The following LTA variants were observed in gnomAD, a reference collection of about 807,000 sequenced individuals.
LTA encodes lymphotoxin alpha, also known as lymphotoxin-alpha.
In LTA, 6 loss-of-function variants were observed where a neutral mutation model predicts 15.1. That is an observed-to-expected ratio of 0.40 (90% confidence interval 0.22 to 0.78). The LOEUF is 0.78. Ranked by LOEUF, LTA falls within the 30% of genes least tolerant of loss-of-function variation. LTA has a pLI of 0.38. For missense variants in LTA, 173 were observed against 249.5 expected (o/e 0.69, Z 2.06); for synonymous variants, 87 against 107.3 (o/e 0.81, Z 1.17).
chr6:31,567,631 CCT>C (rs930997698), upstream of LTA, among the ~76,000 whole-genome samples: 21 of 145,234 alleles, frequency 1.4e-4, no homozygotes, highest in African/African-American at 3.9e-4. Context: ...TCTCCCTCCC[CCT>C]CTCTCCCCTG....
At chr6:31,566,360 A>G in the LTA span, among the ~76,000 whole-genome samples, 1 of 151,960 alleles carries the variant, frequency 6.6e-6, no homozygotes, top group Non-Finnish European at 1.5e-5. Context: ...AAAAAAAACC[A>G]GGCCGGGTGC....
the LTA span, among the ~76,000 whole-genome samples, chr6:31,563,158 A>G: frequency 6.6e-6 from 1 of 152,170 alleles, no homozygotes; most frequent in Admixed American, 6.5e-5. Context: ...AGCCTATCCC[A>G]AAAACAAACA....
At chr6:31,567,676 ACG>A (rs752426330), upstream of LTA, among the ~76,000 whole-genome samples, 1,699 of 27,306 alleles carry the variant, frequency 0.062, 26 homozygotes, top group South Asian at 0.18. Context: ...ACACACACAC[ACG>A]CACGCATGCA....
Position 31,572,938 on chromosome 6 carries a change from G to A in LTA, c.110G>A (p.Gly37Asp), listed in dbSNP as rs1457080560. Residue 37 changes from glycine (G) to aspartate (D), a missense_variant, in exon 3 of 4, where the codon GGT (glycine) becomes GAT (aspartate). Physicochemically the swap from Gly to Asp is moderately conservative, Grantham distance 94 (BLOSUM62 -1). Coordinates refer to ENST00000418386, the MANE Select transcript of LTA (RefSeq NM_000595.4). Reference sequence around the variant, plus strand: ...TCTGTTCTCCCCTAGGGGCTCCCTGGTGTTGGCCTCACACCTTCAGCTGCC... The same window carrying A: ...TCTGTTCTCCCCTAGGGGCTCCCTGATGTTGGCCTCACACCTTCAGCTGCC... ...VLLPGAQGLP[G>D]VGLTPSAAQT... 6.2e-7 allele frequency: 1 copy of A among 1,612,492 alleles called. No individual in the cohort carries two copies. The highest frequency in any genetic ancestry group is 2.2e-5 in the East Asian group (1 of 44,826).
chr6:31,572,642 G>GCCGTATCATTAAAAAAAGGCCC, intron 1 of LTA, 92 bp from the exon 2 acceptor site: 1 of 828,696 alleles, frequency 1.2e-6, no homozygotes, highest in Non-Finnish European at 2.0e-6. Flanking sequence ...CTCGGGGGTC[G>GCCGTATCATTAAAAAAAGGCCC]GGGGGTGCTC....
Position 31,572,311 on chromosome 6 carries a change from C to T in LTA, c.-145C>T. The T allele has an allele frequency of 3.8e-6, 1 of 261,092 alleles. No individual in the cohort carries two copies. The highest frequency in any genetic ancestry group is 7.3e-6 in the Non-Finnish European group (1 of 136,348). The allele number at this position is 261,092 out of a possible 1,614,324, so 16.2% of individuals were successfully genotyped here. On this transcript the variant is annotated 5_prime_UTR_variant, in exon 1 of 4. Coordinates refer to ENST00000418386, the MANE Select transcript of LTA (RefSeq NM_000595.4). ...GGGGCTCCGCACAGCAGGTGAGGCTCTCCTGCCCCATCTCCTTGGGCTGCC... is the reference window on the plus strand; with the variant it reads ...GGGGCTCCGCACAGCAGGTGAGGCTTTCCTGCCCCATCTCCTTGGGCTGCC...
At chr6:31,564,510 C>G in the LTA span, among the ~76,000 whole-genome samples, 1 of 151,660 alleles carries the variant, frequency 6.6e-6, no homozygotes, top group Non-Finnish European at 1.5e-5. Flanking sequence ...GTCTCGATCT[C>G]CTGACCTCGT....
Position 31,574,007 on chromosome 6 carries a change from G to A in LTA, c.*314G>A. On this transcript the variant is annotated 3_prime_UTR_variant, in exon 4 of 4. Coordinates refer to ENST00000418386, the MANE Select transcript of LTA (RefSeq NM_000595.4). ...AGATCCACACACAGAGGAAGAGCAG[G>A]CACATGGAGGAGCTTGGGGGATGAC... 1.8e-6 allele frequency: 1 copy of A among 548,048 alleles called. No individual in the cohort carries two copies. Among genetic ancestry groups the A allele is most frequent in the South Asian group, 2.0e-5 (1 of 51,152 alleles). 33.9% of individuals were successfully genotyped at this position (548,048 alleles called of 1,614,324 possible).
At position 31,573,042 on chromosome 6, in the gene LTA, C is replaced by T. The variant is rs930857107; in HGVS notation, c.205+9C>T. On this transcript the variant is annotated intron_variant, in intron 3 of 3. Coordinates refer to ENST00000418386, the MANE Select transcript of LTA (RefSeq NM_000595.4). ...TGCTGCTCACCTCATTGGTAAACAT[C>T]CACCTGACCTCCCAGACATGTCCCC... is the stretch of plus-strand genomic sequence containing the variant. 2.5e-6 allele frequency: 4 copies of T among 1,603,924 alleles called. No homozygotes were observed. The highest frequency in any genetic ancestry group is 1.1e-5 in the South Asian group (1 of 90,906).
chr6:31,561,712 A>G, the LTA span, among the ~76,000 whole-genome samples: 1 of 152,146 alleles, frequency 6.6e-6, no homozygotes, highest in Non-Finnish European at 1.5e-5. Context: ...AAAATTATTA[A>G]GCACCTATTA....
At chr6:31,569,700 G>A (rs749733711), upstream of LTA, among the ~76,000 whole-genome samples, 29 of 152,070 alleles carry the variant, frequency 1.9e-4, no homozygotes, top group Non-Finnish European at 3.4e-4. Flanking sequence ...GGGAGGCTGA[G>A]GCAGGAGAAT....
At chr6:31,563,854 C>A in the LTA span, among the ~76,000 whole-genome samples, 63 of 152,160 alleles carry the variant, frequency 4.1e-4, no homozygotes, top group African/African-American at 1.5e-3. Flanking sequence ...GTGATCCGCC[C>A]ACCTTGGCCT....
chr6:31,572,873 G>T lies in LTA; in HGVS notation c.99+32G>T, dbSNP rs373689765. ...CAGCAGGAGAATGGGGGCTGCTGGG[G>T]TGGCTCAGCCAAACCTTGAGCCCTA... On this transcript the variant is annotated intron_variant, in intron 2 of 3. Transcript: ENST00000418386. The T allele has an allele frequency of 1.0e-4, 162 of 1,610,548 alleles. 2 individuals carry two copies. In the East Asian group the frequency reaches 1.8e-3, roughly 18 times the overall value.
chr6:31,571,021 C>G (rs1360597815), upstream of LTA, among the ~76,000 whole-genome samples: 1 of 151,392 alleles, frequency 6.6e-6, no homozygotes, highest in Non-Finnish European at 1.5e-5. Flanking sequence ...CACCTCATAC[C>G]TAAGTTACAT....
upstream of LTA, among the ~76,000 whole-genome samples, chr6:31,567,661 C>T (rs1022589865): frequency 1.3e-5 from 1 of 79,868 alleles, no homozygotes; most frequent in Non-Finnish European, 2.5e-5. Context: ...CACACACACA[C>T]ACACACACAC....
Position 31,574,094 on chromosome 6 carries a change from T to A in LTA, c.*401T>A. The A allele has an allele frequency of 2.8e-6, 1 of 362,470 alleles. No individual in the cohort carries two copies. The highest frequency in any genetic ancestry group is 2.2e-5 in the South Asian group (1 of 44,784). 22.5% of individuals were successfully genotyped at this position (362,470 alleles called of 1,614,324 possible). A position where few individuals can be genotyped will look rare whatever the true frequency, so the allele number is the denominator to read the frequency against. On this transcript the variant is annotated 3_prime_UTR_variant, in exon 4 of 4. Transcript: ENST00000418386. Reference sequence around the variant, plus strand: ...AATTAAATTATTTATTTATGGAGGATGGAGAGAGGGGAATAATAGAAGAAC... The same window carrying A: ...AATTAAATTATTTATTTATGGAGGAAGGAGAGAGGGGAATAATAGAAGAAC...
In LTA at chr6:31,574,151, A is replaced by G; in HGVS notation, c.*458A>G. On this transcript the variant is annotated 3_prime_UTR_variant, in exon 4 of 4. Coordinates refer to ENST00000418386, the MANE Select transcript of LTA (RefSeq NM_000595.4). ...GGAGAAACAGAGACAGGCCCAAGAG[A>G]TGAAGAGTGAGAGGGCATGCGCACA... The G allele has an allele frequency of 3.1e-6, 1 of 325,400 alleles. No homozygotes were observed. The highest frequency in any genetic ancestry group is 6.0e-6 in the Non-Finnish European group (1 of 167,654). 20.2% of individuals were successfully genotyped at this position (325,400 alleles called of 1,614,324 possible). A position where few individuals can be genotyped will look rare whatever the true frequency, so the allele number is the denominator to read the frequency against.
chr6:31,561,055 T>C, the LTA span, among the ~76,000 whole-genome samples: 1 of 151,976 alleles, frequency 6.6e-6, no homozygotes, highest in Non-Finnish European at 1.5e-5. Context: ...TAGGTGGAGG[T>C]GGATGGAAAG....
At chr6:31,573,162 C>T (rs1295655891) in intron 3 of LTA, 119 bp from the exon 4 acceptor site, 27 of 1,211,458 alleles carry the variant, frequency 2.2e-5, no homozygotes. Flanking sequence ...GAGCCCACTC[C>T]TATGCCTCCC....
Sources: allele counts gnomAD v4.1 joint callset (sites outside exome capture counted in the v4.1 genomes callset), GRCh38; gene constraint gnomAD v4.1.1; transcripts MANE v1.5; gene names NCBI Gene and HGNC (gene_info 2026-07-23, HGNC 2026-07-21).